Variants in FRMD4A observed in about 807,000 individuals in gnomAD.
The protein encoded by FRMD4A is FERM domain containing 4A, also known as FERM domain-containing protein 4A.
In FRMD4A, 29 loss-of-function variants were observed where a neutral mutation model predicts 129.1. That is an observed-to-expected ratio of 0.22 (90% CI 0.17 to 0.31). The LOEUF (loss-of-function observed/expected upper bound fraction) is 0.31. Ranked by LOEUF, FRMD4A falls within the 10% of genes least tolerant of loss-of-function variation. The pLI, the probability that FRMD4A is intolerant of heterozygous loss-of-function variation, is 1.00. For synonymous variants in FRMD4A, 634 were observed against 571.6 expected, an observed-to-expected ratio of 1.11 and a Z score of -1.56; for missense variants, 1,272 against 1,375.8, an observed-to-expected ratio of 0.92 and a Z score of 1.19.
intron 2 of FRMD4A, among the ~76,000 whole-genome samples, chr10:14,148,084 C>T (rs1456440279): frequency 2.0e-5 from 3 of 152,092 alleles, no homozygotes; most frequent in Non-Finnish European, 4.4e-5. Flanking sequence ...AAGAGGAAAA[C>T]CCTCCATTAA....
intron 18 of FRMD4A, 37 bp downstream of exon 18, chr10:13,666,060 G>A (rs776409917): frequency 9.5e-5 from 124 of 1,306,582 alleles, no homozygotes; most frequent in Middle Eastern, 1.9e-4. Context: ...GGGCCCGGGC[G>A]TGGGAGTGGG....
intron 2 of FRMD4A, among the ~76,000 whole-genome samples, chr10:13,915,287 C>T (rs887982995): frequency 4.6e-5 from 7 of 151,960 alleles, no homozygotes; most frequent in African/African-American, 7.3e-5. Flanking sequence ...CGGGGGCTAG[C>T]GAACTGGAGC....
intron 2 of FRMD4A, among the ~76,000 whole-genome samples, chr10:13,954,590 C>G (rs2095396769): frequency 6.6e-6 from 1 of 152,092 alleles, no homozygotes; most frequent in South Asian, 2.1e-4. Context: ...TCCAGGGGCT[C>G]AAGTCATGGG....
At chr10:13,884,118 ACACTCACACACACG>A (rs78568925) in intron 2 of FRMD4A, among the ~76,000 whole-genome samples, 6 of 94,916 alleles carry the variant, frequency 6.3e-5, no homozygotes, top group Admixed American at 4.2e-4. Context: ...ACACACACAC[ACACTCACACACACG>A]CTCACACACA....
intron 2 of FRMD4A, among the ~76,000 whole-genome samples, chr10:14,162,118 TA>T (rs1840921698): frequency 6.6e-6 from 1 of 152,086 alleles, no homozygotes; most frequent in African/African-American, 2.4e-5. Flanking sequence ...TATATATACA[TA>T]TTTTTTGTAT....
intron 2 of FRMD4A, among the ~76,000 whole-genome samples, chr10:14,107,763 A>T (rs956819508): frequency 6.6e-6 from 1 of 152,226 alleles, no homozygotes; most frequent in East Asian, 1.9e-4. Context: ...CTATGGTTGT[A>T]CATAGAAGAG....
chr10:14,178,417 T>C (rs1290951387), intron 2 of FRMD4A, among the ~76,000 whole-genome samples: 1 of 152,246 alleles, frequency 6.6e-6, no homozygotes, highest in South Asian at 2.1e-4. Flanking sequence ...CAAAGTCTTG[T>C]GTTTATCAAA....
At chr10:14,060,889 T>A (rs905570698) in intron 2 of FRMD4A, among the ~76,000 whole-genome samples, 5 of 152,156 alleles carry the variant, frequency 3.3e-5, no homozygotes, top group Non-Finnish European at 5.9e-5. Flanking sequence ...AAAATTAAAA[T>A]TCTGTATGGC....
intron 2 of FRMD4A, among the ~76,000 whole-genome samples, chr10:13,950,217 G>A (rs1242521683): frequency 6.6e-6 from 1 of 152,056 alleles, no homozygotes; most frequent in Non-Finnish European, 1.5e-5. Flanking sequence ...CCAGGCAGGC[G>A]GAGGCAAAAA....
At chr10:13,855,289 T>C (rs1365035251) in intron 3 of FRMD4A, among the ~76,000 whole-genome samples, 1 of 152,164 alleles carries the variant, frequency 6.6e-6, no homozygotes, top group Non-Finnish European at 1.5e-5. Context: ...GGGAGTCGGT[T>C]TGGATGCCGT....
intron 2 of FRMD4A, among the ~76,000 whole-genome samples, chr10:14,310,111 G>C (rs1205515695): frequency 1.3e-5 from 2 of 152,204 alleles, no homozygotes; most frequent in Non-Finnish European, 2.9e-5. Flanking sequence ...TCGAGGATGT[G>C]GCCCTGCCTC....
At chr10:13,964,189 C>T (rs571787319) in intron 2 of FRMD4A, among the ~76,000 whole-genome samples, 27 of 151,196 alleles carry the variant, frequency 1.8e-4, no homozygotes, top group East Asian at 9.7e-4. Context: ...ATGACGGACG[C>T]GGTTTCTACA....
chr10:13,781,306 TAAAAA>T (rs1253732948), intron 6 of FRMD4A, among the ~76,000 whole-genome samples: 1 of 79,284 alleles, frequency 1.3e-5, no homozygotes, highest in Non-Finnish European at 2.1e-5. Context: ...TCTTAAAAAT[TAAAAA>T]AAAAAAAAAA....
chr10:14,136,470 C>T (rs1235128688), intron 2 of FRMD4A, among the ~76,000 whole-genome samples: 10 of 152,124 alleles, frequency 6.6e-5, no homozygotes, highest in Non-Finnish European at 1.3e-4. Context: ...TGTCTGATGG[C>T]TTCCTCTGCC....
rs965324786 is a variant in FRMD4A at position 14,008,307 on chromosome 10, G to A, written c.46-149395C>T. ...AAATAACTGAAAGAGTTTTTCTTTC[G>A]ACCATCTGAGTCAAGATGTGGTTTG... On this transcript the variant is annotated intron_variant, in intron 2 of 24. Transcript: ENST00000357447. The A allele has an allele frequency of 4.8e-6, 5 of 1,038,550 alleles. No individual in the cohort carries two copies. In the African/African-American group the frequency reaches 8.4e-5, roughly 17 times the overall value. 64.3% of individuals were successfully genotyped at this position (1,038,550 alleles called of 1,614,324 possible).
At chr10:14,192,900 A>G (rs149726166) in intron 2 of FRMD4A, among the ~76,000 whole-genome samples, 33 of 152,386 alleles carry the variant, frequency 2.2e-4, no homozygotes, top group Non-Finnish European at 4.4e-4. Context: ...AATAGGGTGC[A>G]GTTGTCACTG....
At chr10:14,031,629 C>T (rs943810443) in intron 2 of FRMD4A, among the ~76,000 whole-genome samples, 2 of 152,142 alleles carry the variant, frequency 1.3e-5, no homozygotes, top group African/African-American at 2.4e-5. Context: ...CCATGCCTTC[C>T]GGAGTTGTTT....
intron 6 of FRMD4A, among the ~76,000 whole-genome samples, chr10:13,764,514 C>CAAAG (rs1404442359): frequency 6.6e-6 from 1 of 151,420 alleles, no homozygotes; most frequent in Non-Finnish European, 1.5e-5. Flanking sequence ...AATAAACAAA[C>CAAAG]AAACAAACAA....
Position 13,659,351 on chromosome 10 carries a change from G to A in FRMD4A, c.2038C>T (p.Arg680Trp), listed in dbSNP as rs540147332. Residue 680 changes from arginine to tryptophan, a missense_variant, in exon 21 of 25, where the codon CGG (arginine) becomes TGG (tryptophan). Coordinates refer to ENST00000357447, the MANE Select transcript of FRMD4A (RefSeq NM_018027.5). Reference protein sequence around the residue: ...SMPSTPDLRVRSPHYVHSTRS... With the variant: ...SMPSTPDLRVWSPHYVHSTRS... ...GTGGAATGGACGTAGTGGGGACTCC[G>A]GACCCGCAGGTCTGGCGTGGACGGC... 5.0e-6 allele frequency: 8 copies of A among 1,614,110 alleles called. No individual in the cohort carries two copies. Among genetic ancestry groups the A allele is most frequent in the Middle Eastern group, 1.7e-4 (1 of 6,060 alleles).
Sources: gnomAD v4.1 joint callset for allele counts (sites outside exome capture counted in the v4.1 genomes callset) on GRCh38, gnomAD v4.1.1 for gene constraint, MANE v1.5 for transcripts, NCBI Gene and HGNC (gene_info 2026-07-23, HGNC 2026-07-21) for gene names.